The following PRIM2 variants were observed in gnomAD, a reference collection of about 807,000 sequenced individuals.
PRIM2 encodes the protein DNA primase subunit 2.
Under a neutral mutation model 67.3 loss-of-function variants are expected in PRIM2, and 39 were observed. That is an observed-to-expected ratio of 0.58 (90% confidence interval 0.45 to 0.76). PRIM2 has a LOEUF of 0.76. Among genes scored for constraint, PRIM2 ranks in the 30% least tolerant of loss-of-function variants. PRIM2 has a pLI of 0.00. For synonymous variants in PRIM2, 143 were observed against 198.7 expected, an observed-to-expected ratio of 0.72 and a Z score of 2.36; for missense variants, 398 against 598.7, an observed-to-expected ratio of 0.66 and a Z score of 3.50.
At chr6:57,268,798 A>C in the PRIM2 span, among the ~76,000 whole-genome samples, 2 of 90,780 alleles carry the variant, frequency 2.2e-5, no homozygotes, top group Non-Finnish European at 4.1e-5. Flanking sequence ...CCCACCCCAC[A>C]ACAGTCCCCA....
intron 7 of PRIM2, among the ~76,000 whole-genome samples, chr6:57,435,510 A>G (rs1447888927): frequency 6.6e-6 from 1 of 152,210 alleles, no homozygotes; most frequent in African/African-American, 2.4e-5. Flanking sequence ...AACTGAGGAG[A>G]AACAAATACT....
At chr6:57,341,905 A>G (rs974031007) in intron 5 of PRIM2, among the ~76,000 whole-genome samples, 11 of 152,100 alleles carry the variant, frequency 7.2e-5, no homozygotes, top group Non-Finnish European at 1.2e-4. Context: ...CTTTGAGTCA[A>G]CCTGGACTTA....
At chr6:57,257,261 T>A in the PRIM2 span, among the ~76,000 whole-genome samples, 57 of 145,904 alleles carry the variant, frequency 3.9e-4, no homozygotes, top group African/African-American at 1.3e-3. Context: ...GAATAAAATA[T>A]CTGTAGGCAT....
At chr6:57,540,795 A>G (rs1478874568) in intron 10 of PRIM2, among the ~76,000 whole-genome samples, 2 of 152,234 alleles carry the variant, frequency 1.3e-5, no homozygotes, top group Non-Finnish European at 2.9e-5. Flanking sequence ...AATTAACTGT[A>G]GCACATTCTG....
intron 12 of PRIM2, among the ~76,000 whole-genome samples, chr6:57,613,990 G>A (rs1273727649): frequency 6.6e-6 from 1 of 152,082 alleles, no homozygotes; most frequent in Non-Finnish European, 1.5e-5. Context: ...TTAATCCAGT[G>A]GAAGGAACCA....
chr6:57,609,298 G>C (rs1201743728), intron 12 of PRIM2, among the ~76,000 whole-genome samples: 1 of 152,326 alleles, frequency 6.6e-6, no homozygotes, highest in East Asian at 1.9e-4. Flanking sequence ...TGGGAACATA[G>C]AGGAAATAGC....
At chr6:57,557,035 A>C (rs1286428609) in intron 10 of PRIM2, among the ~76,000 whole-genome samples, 2 of 136,608 alleles carry the variant, frequency 1.5e-5, no homozygotes, top group Non-Finnish European at 3.1e-5. Flanking sequence ...GCTTAGTATC[A>C]CTGATCATTA....
At chr6:57,624,645 G>A (rs1776915226) in intron 12 of PRIM2, among the ~76,000 whole-genome samples, 1 of 152,166 alleles carries the variant, frequency 6.6e-6, no homozygotes, top group Non-Finnish European at 1.5e-5. Flanking sequence ...TAGGCAAAAG[G>A]AGCAGCATTC....
intron 10 of PRIM2, among the ~76,000 whole-genome samples, chr6:57,587,654 G>C (rs1776215167): frequency 1.0e-5 from 1 of 99,840 alleles, no homozygotes; most frequent in South Asian, 4.0e-4. Flanking sequence ...ACAAGAGTGA[G>C]ACTCTGTCTC....
intron 12 of PRIM2, among the ~76,000 whole-genome samples, chr6:57,614,174 A>C (rs1402198078): frequency 1.3e-5 from 2 of 151,832 alleles, no homozygotes; most frequent in Non-Finnish European, 2.9e-5. Context: ...ATAGGAGCTC[A>C]AACCTTATTG....
chr6:57,556,433 A>C (rs1358089232), intron 10 of PRIM2, among the ~76,000 whole-genome samples: 2 of 152,182 alleles, frequency 1.3e-5, no homozygotes, highest in Non-Finnish European at 2.9e-5. Context: ...GTACTGGTAC[A>C]AAAACAGACA....
At chr6:57,280,414 T>G in the PRIM2 span, among the ~76,000 whole-genome samples, 1 of 152,208 alleles carries the variant, frequency 6.6e-6, no homozygotes, top group South Asian at 2.1e-4. Flanking sequence ...CTTTTAATTT[T>G]GAAATAATTT....
intron 10 of PRIM2, among the ~76,000 whole-genome samples, chr6:57,591,842 T>G (rs1224848010): frequency 6.6e-6 from 1 of 151,234 alleles, no homozygotes; most frequent in African/African-American, 2.4e-5. Flanking sequence ...GGAAAATAAA[T>G]TGTTCTACCA....
chr6:57,223,169 C>A, the PRIM2 span, among the ~76,000 whole-genome samples: 3 of 152,296 alleles, frequency 2.0e-5, no homozygotes, highest in East Asian at 3.9e-4. Context: ...CTGGGGAAAC[C>A]TAATGCCCAG....
chr6:57,640,391 A>G (rs1319548862), intron 13 of PRIM2, among the ~76,000 whole-genome samples: 28,303 of 152,158 alleles, frequency 0.19, 2,752 homozygotes, highest in African/African-American at 0.24. Flanking sequence ...AGCCAGGGCA[A>G]TCAGGCAAGA....
the PRIM2 span, among the ~76,000 whole-genome samples, chr6:57,257,036 G>A: frequency 6.6e-6 from 1 of 152,082 alleles, no homozygotes; most frequent in Admixed American, 6.6e-5. Flanking sequence ...ATATCACATA[G>A]GTATTTTTGT....
At chr6:57,578,005 A>C (rs2127483851) in intron 10 of PRIM2, among the ~76,000 whole-genome samples, 1 of 152,278 alleles carries the variant, frequency 6.6e-6, no homozygotes, top group East Asian at 1.9e-4. Flanking sequence ...AATCTCTTCT[A>C]GTCTGTGACA....
intron 12 of PRIM2, among the ~76,000 whole-genome samples, chr6:57,620,473 T>C (rs1776832445): frequency 6.6e-6 from 1 of 152,020 alleles, no homozygotes; most frequent in African/African-American, 2.4e-5. Context: ...AAGCACCACA[T>C]ATGAAGGAAA....
intron 12 of PRIM2, among the ~76,000 whole-genome samples, chr6:57,631,798 G>T (rs1178545770): frequency 1.3e-5 from 2 of 152,226 alleles, no homozygotes; most frequent in Non-Finnish European, 2.9e-5. Context: ...TCGGAGAGAT[G>T]TTGCAATATG....
Sources: allele counts gnomAD v4.1 joint callset (sites outside exome capture counted in the v4.1 genomes callset), GRCh38; gene constraint gnomAD v4.1.1; transcripts MANE v1.5; gene names NCBI Gene and HGNC (gene_info 2026-07-23, HGNC 2026-07-21).